Variants in DLG5 observed in about 807,000 individuals in gnomAD.
The protein encoded by DLG5 is disks large homolog 5.
A neutral mutation model predicts 189.8 loss-of-function variants in DLG5; 48 were observed. The ratio of observed to expected loss-of-function variants is 0.25; its 90% CI spans 0.20 to 0.32. The LOEUF (loss-of-function observed/expected upper bound fraction) is 0.32. Among genes scored for constraint, DLG5 ranks in the 10% least tolerant of loss-of-function variants. The probability of loss-of-function intolerance (pLI) is 1.00; values close to 1 mark genes in which losing one functional copy is unlikely to be tolerated. For missense variants in DLG5, 2,160 were observed against 2,544.7 expected (o/e 0.85, Z 3.25); for synonymous variants, 1,016 against 1,054.1 (o/e 0.96, Z 0.70).
chr10:77,796,714 C>T lies in DLG5; in HGVS notation c.5165-120G>A, dbSNP rs1172038155. Reference sequence around the variant, plus strand: ...GGTTTGCCTGGGACTCCCCCAGCTTCAGCACTGAAAATCTCGTGTCCCAGG... The same window carrying T: ...GGTTTGCCTGGGACTCCCCCAGCTTTAGCACTGAAAATCTCGTGTCCCAGG... On this transcript the variant is annotated intron_variant, in intron 27 of 31. Transcript: ENST00000372391. This position sits in a 1 kb window ranked among gnomAD's most constrained non-coding sequence, Gnocchi z 5.2. 2 of 1,290,092 alleles carry T rather than the reference C, an allele frequency of 1.6e-6. No homozygotes were observed. Among genetic ancestry groups the T allele is most frequent in the Non-Finnish European group, 2.1e-6 (2 of 931,042 alleles). 79.9% of individuals were successfully genotyped at this position (1,290,092 alleles called of 1,614,324 possible).
At chr10:77,818,769 A>G (rs186689553) in intron 17 of DLG5, among the ~76,000 whole-genome samples, 74 of 130,958 alleles carry the variant, frequency 5.7e-4, no homozygotes, top group Non-Finnish European at 7.2e-4. Context: ...GCACCATCTG[A>G]TATCACTTCG....
At chr10:77,847,610 A>G (rs1412042262) in intron 5 of DLG5, among the ~76,000 whole-genome samples, 2 of 152,190 alleles carry the variant, frequency 1.3e-5, no homozygotes, top group African/African-American at 4.8e-5. Context: ...CCCTCTCGCC[A>G]TCAGAGGATT....
At chr10:77,825,503 C>T (rs1293816281) in intron 13 of DLG5, among the ~76,000 whole-genome samples, 1 of 151,974 alleles carries the variant, frequency 6.6e-6, no homozygotes, top group Non-Finnish European at 1.5e-5. Context: ...ACATAGGACC[C>T]CCCTGTACTA....
intron 15 of DLG5, chr10:77,820,728 G>A (rs992326735): frequency 3.5e-6 from 1 of 285,600 alleles, no homozygotes; most frequent in Admixed American, 4.7e-5. Context: ...CAATCAGGCC[G>A]TCCCGCTGCC....
chr10:77,854,122 G>C, intron 4 of DLG5, 105 bp downstream of exon 4: 4 of 1,423,022 alleles, frequency 2.8e-6, no homozygotes, highest in Non-Finnish European at 3.8e-6. Context: ...CTTGCACAGG[G>C]ACAGGACTAG....
At chr10:77,793,600 C>A in intron 31 of DLG5, 2 of 158,462 alleles carry the variant, frequency 1.3e-5, no homozygotes, top group Non-Finnish European at 2.7e-5. Flanking sequence ...CGCTGCAAAA[C>A]GGGACTGCCC....
intron 9 of DLG5, among the ~76,000 whole-genome samples, chr10:77,831,275 T>G (rs1017545762): frequency 1.3e-5 from 2 of 152,060 alleles, no homozygotes; most frequent in African/African-American, 4.8e-5. Context: ...CGTGGTGGCA[T>G]GTGCCTGTAA....
At chr10:77,839,117 G>C (rs568310021) in intron 7 of DLG5, among the ~76,000 whole-genome samples, 2 of 152,344 alleles carry the variant, frequency 1.3e-5, no homozygotes, top group East Asian at 3.9e-4. Context: ...CTCATTGCTG[G>C]ACGCCAGCAC....
intron 11 of DLG5, 80 bp from the exon 12 acceptor site, chr10:77,829,610 G>A (rs376634862): frequency 1.3e-6 from 2 of 1,489,916 alleles, no homozygotes; most frequent in Non-Finnish European, 9.1e-7. Flanking sequence ...CACTCAGGGG[G>A]CTGACTGCCA....
chr10:77,857,005 C>A, intron 2 of DLG5, 113 bp from the exon 3 acceptor site: 2 of 974,774 alleles, frequency 2.1e-6, no homozygotes, highest in South Asian at 3.3e-5. Context: ...ACAAGTGGGT[C>A]CTCTTAGCAT....
chr10:77,845,018 C>CA lies in DLG5; in HGVS notation c.865-1313dup, dbSNP rs1396777118. Reference sequence around the variant, plus strand: ...AAGTGGGTGTGGGCATGGGGGTGGCCATGGCCGCAGGCCTCACAGTGAAGA... The same window carrying CA: ...AAGTGGGTGTGGGCATGGGGGTGGCCAATGGCCGCAGGCCTCACAGTGAAGA... On this transcript the variant is annotated intron_variant, in intron 5 of 31. Transcript: ENST00000372391. Among the ~76,000 whole-genome samples, 3 of 152,300 alleles carry CA rather than the reference C, an allele frequency of 2.0e-5. No individual in the cohort carries two copies. The East Asian group carries it at 5.8e-4, about 29-fold the overall frequency.
Position 77,796,862 on chromosome 10 carries a change from G to A in DLG5, c.5165-268C>T, listed in dbSNP as rs1217221342. Among the ~76,000 whole-genome samples the A allele has an allele frequency of 6.6e-6, 1 of 152,112 alleles. No individual in the cohort carries two copies. Among genetic ancestry groups the A allele is most frequent in the African/African-American group, 2.4e-5 (1 of 41,404 alleles). On this transcript the variant is annotated intron_variant, in intron 27 of 31. Coordinates refer to ENST00000372391, the MANE Select transcript of DLG5 (RefSeq NM_004747.4). This position sits in a 1 kb window ranked among gnomAD's most constrained non-coding sequence, Gnocchi z 5.2. ...CTTCCTTCTGCTCTGATTTTTCCTC[G>A]TGGGTCGACGCCTGCTTCCCCTGCC...
chr10:77,869,334 G>T, intron 1 of DLG5, 137 bp from the exon 2 acceptor site: 1 of 758,812 alleles, frequency 1.3e-6, no homozygotes, highest in Non-Finnish European at 2.2e-6. Flanking sequence ...CACGGGCCAA[G>T]CAGAGGAGGC....
At chr10:77,846,612 A>AG (rs1843706887) in intron 5 of DLG5, 3 of 430,692 alleles carry the variant, frequency 7.0e-6, no homozygotes, top group Non-Finnish European at 1.4e-5. Flanking sequence ...CAGGAGAATT[A>AG]CTTGAACCCA....
chr10:77,914,720 C>G (rs770649597), intron 1 of DLG5, among the ~76,000 whole-genome samples: 4 of 152,092 alleles, frequency 2.6e-5, no homozygotes, highest in Non-Finnish European at 4.4e-5. Context: ...CACCTCCTAG[C>G]CCAGAACCTC....
intron 11 of DLG5, among the ~76,000 whole-genome samples, chr10:77,829,961 C>A (rs1842824203): frequency 6.6e-6 from 1 of 152,224 alleles, no homozygotes; most frequent in South Asian, 2.1e-4. Flanking sequence ...CTCACGCATA[C>A]CCCTTGAGCA....
At chr10:77,793,706 T>G in intron 31 of DLG5, 2 of 393,994 alleles carry the variant, frequency 5.1e-6, no homozygotes, top group Non-Finnish European at 9.2e-6. Flanking sequence ...CTGGGGACAC[T>G]GTGGCTGCAC....
intron 27 of DLG5, among the ~76,000 whole-genome samples, chr10:77,801,432 A>G (rs1003959330): frequency 1.3e-5 from 2 of 152,204 alleles, no homozygotes; most frequent in Non-Finnish European, 2.9e-5. Context: ...TGGAAAATGC[A>G]GGAGAAAAAG....
chr10:77,809,660 G>A lies in DLG5; in HGVS notation c.4534C>T (p.Leu1512Phe). 1 of 1,614,192 alleles carries A rather than the reference G, an allele frequency of 6.2e-7. No individual in the cohort carries two copies. The highest frequency in any genetic ancestry group is 8.5e-7 in the Non-Finnish European group (1 of 1,180,022). Residue 1512 changes from leucine to phenylalanine, a missense_variant, in exon 24 of 32, where the codon CTT becomes TTT. By Grantham distance (22) the Leu-to-Phe change is conservative (BLOSUM62 0). Transcript: ENST00000372391. ...VVFIKKSQLE[L>F]GVHLCGGNLH... ...TTCCCACCACACAAGTGCACCCCAA[G>A]CTCCAGCTGGGACTTTTTGATGAAG...
Sources: gnomAD v4.1 joint callset for allele counts (sites outside exome capture counted in the v4.1 genomes callset) on GRCh38, gnomAD v4.1.1 for gene constraint, Gnocchi (gnomAD v3.1) non-coding constraint, MANE v1.5 for transcripts, NCBI Gene and HGNC (gene_info 2026-07-23, HGNC 2026-07-21) for gene names.